HEBP1: variants seen among roughly 807,000 people sequenced by gnomAD.
HEBP1 encodes the protein heme binding protein 1.
A neutral mutation model predicts 20.4 loss-of-function variants in HEBP1; 13 were observed. The observed-to-expected ratio is 0.64, with a 90% CI of 0.42 to 1.01. The LOEUF is 1.01. HEBP1 is among the 50% of genes least tolerant of loss of function. The probability of loss-of-function intolerance (pLI) is 0.00; values close to 1 mark genes in which losing one functional copy is unlikely to be tolerated. For synonymous variants in HEBP1, 92 were observed against 90.7 expected (o/e 1.01, Z -0.08); for missense variants, 241 against 247.3 (o/e 0.97, Z 0.17).
At chr12:12,987,409 C>T in intron 2 of HEBP1, 77 bp from the exon 3 acceptor site, 1 of 1,121,612 alleles carries the variant, frequency 8.9e-7, no homozygotes, top group Non-Finnish European at 1.3e-6. Flanking sequence ...CACATTAGTT[C>T]CATTCGTCTT....
chr12:12,984,193 T>G (rs983433899), intron 3 of HEBP1: 2 of 154,586 alleles, frequency 1.3e-5, no homozygotes, highest in African/African-American at 4.8e-5. Flanking sequence ...TTTTTCTATA[T>G]GAAATAAAGG....
chr12:13,000,195 C>CGGCAGGGCGGCAGGGA lies in HEBP1; in HGVS notation c.-82_-81insTCCCTGCCGCCCTGCC, dbSNP rs1864337689. The CGGCAGGGCGGCAGGGA allele has an allele frequency of 5.9e-6, 2 of 340,304 alleles. No individual in the cohort carries two copies. The highest frequency in any genetic ancestry group is 1.0e-5 in the Non-Finnish European group (2 of 195,404). 21.1% of individuals were successfully genotyped at this position (340,304 alleles called of 1,614,324 possible). The stretch of plus-strand genomic sequence containing the variant: ...GAGCACCACGGGCAGCGACCACCGG[C>CGGCAGGGCGGCAGGGA]GGCAGGGCGGCAGGGCGGCAGGGCG... On this transcript the variant is annotated 5_prime_UTR_variant, in exon 1 of 4. Coordinates refer to ENST00000014930, the MANE Select transcript of HEBP1 (RefSeq NM_015987.5).
chr12:12,997,239 A>C (rs1434957128), intron 1 of HEBP1, among the ~76,000 whole-genome samples: 2 of 152,214 alleles, frequency 1.3e-5, no homozygotes, highest in Non-Finnish European at 2.9e-5. Context: ...CAGAGGCCCC[A>C]AATTAACGGC....
At position 12,996,392 on chromosome 12, in the gene HEBP1, G is replaced by T. The variant is rs1425593448; in HGVS notation, c.78+3645C>A. 6.6e-6 allele frequency among the ~76,000 whole-genome samples: 1 copy of T among 152,180 alleles called. No homozygotes were observed. Among genetic ancestry groups the T allele is most frequent in the Non-Finnish European group, 1.5e-5 (1 of 68,034 alleles). On this transcript the variant is annotated intron_variant, in intron 1 of 3. Transcript: ENST00000014930. This position sits in a 1 kb window ranked among gnomAD's most constrained non-coding sequence, Gnocchi z 4.1. Reference sequence around the variant, plus strand: ...AGGCCCACCCAATCCAACACAGAGAGCTGTCTACCCTCCTCCCTCCCTGAG... The same window carrying T: ...AGGCCCACCCAATCCAACACAGAGATCTGTCTACCCTCCTCCCTCCCTGAG...
In HEBP1 at chr12:12,996,793, A is replaced by C. The variant is rs1337436642; in HGVS notation, c.78+3244T>G. On this transcript the variant is annotated intron_variant, in intron 1 of 3. Coordinates refer to ENST00000014930, the MANE Select transcript of HEBP1 (RefSeq NM_015987.5). This position sits in a 1 kb window ranked among gnomAD's most constrained non-coding sequence, Gnocchi z 4.1. ...AAACTTTACTGTAAAACTACAGTAA[A>C]GCTAACCATTACCATCTCCAACCAA... Among the ~76,000 whole-genome samples the C allele has an allele frequency of 1.3e-5, 2 of 152,220 alleles. No homozygotes were observed. The highest frequency in any genetic ancestry group is 2.9e-5 in the Non-Finnish European group (2 of 68,036).
intron 1 of HEBP1, 54 bp downstream of exon 1, chr12:12,999,983 G>T (rs1214298148): frequency 7.9e-7 from 1 of 1,261,142 alleles, no homozygotes; most frequent in Non-Finnish European, 1.1e-6. Context: ...CCCCGACGAG[G>T]GTGGGGGTGG....
chr12:12,994,950 T>C (rs1591578132), intron 1 of HEBP1, among the ~76,000 whole-genome samples: 1 of 152,336 alleles, frequency 6.6e-6, no homozygotes, highest in East Asian at 1.9e-4. Context: ...AAGGCATTCA[T>C]TCATCAAGTT....
At chr12:12,989,572 C>T (rs1864192960) in intron 1 of HEBP1, among the ~76,000 whole-genome samples, 157 bp from the exon 2 acceptor site, 1 of 152,176 alleles carries the variant, frequency 6.6e-6, no homozygotes, top group African/African-American at 2.4e-5. Flanking sequence ...GAAATAGATT[C>T]TGGGATTCTT....
chr12:12,988,126 A>G (rs1053546539), intron 2 of HEBP1, among the ~76,000 whole-genome samples: 18 of 152,226 alleles, frequency 1.2e-4, no homozygotes, highest in African/African-American at 4.1e-4. Context: ...CTAGTGGAAA[A>G]TAATTATGAA....
chr12:12,984,697 TGGGA>T (rs1260052110), intron 3 of HEBP1: 2 of 151,930 alleles, frequency 1.3e-5, no homozygotes, highest in African/African-American at 2.4e-5. Context: ...GAGGCTGAGG[TGGGA>T]GGATTACCTG....
chr12:12,975,386 GT>G lies in HEBP1; in HGVS notation c.491del (p.Asp164AlafsTer12), dbSNP rs1863965073. 6.2e-7 allele frequency: 1 copy of G among 1,613,912 alleles called. No homozygotes were observed. Among genetic ancestry groups the G allele is most frequent in the Non-Finnish European group, 8.5e-7 (1 of 1,179,888 alleles). On this transcript the variant is annotated frameshift_variant, in exon 4 of 4. Coordinates refer to ENST00000014930, the MANE Select transcript of HEBP1 (RefSeq NM_015987.5). LOFTEE classifies it high-confidence loss of function. ...ALEGTATYRG[D>X]IYFCTGYDPP... ...GGTCATAACCCGTGCAGAAGTAGAT[GT>G]CCCCCCGGTAGGTGGCTGTGCCCTC...
chr12:12,992,451 A>C (rs1015756804), intron 1 of HEBP1, among the ~76,000 whole-genome samples: 1 of 150,750 alleles, frequency 6.6e-6, no homozygotes, highest in Non-Finnish European at 1.5e-5. Context: ...TGTTCTGCCC[A>C]CCTCGGCCTC....
chr12:12,988,724 A>G (rs1294127106), intron 2 of HEBP1, among the ~76,000 whole-genome samples: 1 of 152,146 alleles, frequency 6.6e-6, no homozygotes, highest in African/African-American at 2.4e-5. Context: ...CAGGCTTATC[A>G]TTTTAAAAGT....
chr12:12,985,392 C>T (rs553498774), intron 3 of HEBP1, among the ~76,000 whole-genome samples: 7 of 152,110 alleles, frequency 4.6e-5, no homozygotes, highest in Admixed American at 1.3e-4. Flanking sequence ...TTGAGCTGAT[C>T]GTTGCTGTAG....
In HEBP1 at chr12:12,975,215, C is replaced by A. The variant is rs966037904; in HGVS notation, c.*93G>T. On this transcript the variant is annotated 3_prime_UTR_variant, in exon 4 of 4. Coordinates refer to ENST00000014930, the MANE Select transcript of HEBP1 (RefSeq NM_015987.5). ...AGGAAAGTTGGTTAAGTTGGACTTGCAGCTGGAACTTGGGAAGCACTGTCC... is the reference window on the plus strand; with the variant it reads ...AGGAAAGTTGGTTAAGTTGGACTTGAAGCTGGAACTTGGGAAGCACTGTCC... The A allele has an allele frequency of 6.5e-5, 80 of 1,232,662 alleles. No individual in the cohort carries two copies. In the African/African-American group the frequency reaches 1.2e-3, roughly 18 times the overall value. 76.4% of individuals were successfully genotyped at this position (1,232,662 alleles called of 1,614,324 possible).
chr12:12,989,720 T>A (rs1259128637), intron 1 of HEBP1, among the ~76,000 whole-genome samples: 4 of 152,042 alleles, frequency 2.6e-5, no homozygotes, highest in Non-Finnish European at 5.9e-5. Flanking sequence ...AAATTAAAAA[T>A]CTGATAACAG....
chr12:12,987,632 C>CTCTT (rs1555114945), intron 2 of HEBP1, among the ~76,000 whole-genome samples: 3 of 151,178 alleles, frequency 2.0e-5, no homozygotes, highest in Admixed American at 6.6e-5. Flanking sequence ...CTCTCTCTCT[C>CTCTT]TCTTTCTTTC....
rs372258185 is a variant in HEBP1, at chr12:12,976,382, G to A, written c.399-903C>T. On this transcript the variant is annotated intron_variant, in intron 3 of 3. Transcript: ENST00000014930. Reference sequence around the variant, plus strand: ...TATTATTCTCTCCCTTACGTCATGTGCTTCTGTTCCAAAATTTGTCTTGTA... The same window carrying A: ...TATTATTCTCTCCCTTACGTCATGTACTTCTGTTCCAAAATTTGTCTTGTA... Among the ~76,000 whole-genome samples, 282 of 152,256 alleles carry A rather than the reference G, an allele frequency of 1.9e-3. 1 individual carries two copies. The highest frequency in any genetic ancestry group is 6.5e-3 in the African/African-American group (271 of 41,536).
At position 12,975,173 on chromosome 12, in the gene HEBP1, G is replaced by T; in HGVS notation, c.*135C>A. ...GGAACATGCTTTTTTCAGAAAATTG[G>T]CAGTAACTGACTTTGAAGGAAAGTT... On this transcript the variant is annotated 3_prime_UTR_variant, in exon 4 of 4. Coordinates refer to ENST00000014930, the MANE Select transcript of HEBP1 (RefSeq NM_015987.5). The T allele has an allele frequency of 1.3e-6, 1 of 746,470 alleles. No homozygotes were observed. Among genetic ancestry groups the T allele is most frequent in the Non-Finnish European group, 2.2e-6 (1 of 447,642 alleles). 46.2% of individuals were successfully genotyped at this position (746,470 alleles called of 1,614,324 possible).
Sources: gnomAD v4.1 joint callset for allele counts (sites outside exome capture counted in the v4.1 genomes callset) on GRCh38, gnomAD v4.1.1 for gene constraint, Gnocchi (gnomAD v3.1) non-coding constraint, MANE v1.5 for transcripts, NCBI Gene and HGNC (gene_info 2026-07-23, HGNC 2026-07-21) for gene names.